SH2D4A: variants seen among roughly 807,000 people sequenced by gnomAD.
The protein encoded by SH2D4A is SH2 domain containing 4A, also known as SH2 domain-containing protein 4A.
SH2D4A carries 70 observed loss-of-function variants against 64.7 expected under a neutral mutation model. The observed-to-expected ratio is 1.08, with a 90% CI of 0.89 to 1.32. The LOEUF is 1.32. SH2D4A is among the 40% of genes most tolerant of loss of function. SH2D4A has a pLI of 0.00. For synonymous variants in SH2D4A, 268 were observed against 200.7 expected (o/e 1.34, Z -2.83); for missense variants, 706 against 540.1 (o/e 1.31, Z -3.04).
intron 8 of SH2D4A, among the ~76,000 whole-genome samples, chr8:19,383,055 C>T (rs995149122): frequency 6.6e-6 from 1 of 151,856 alleles, no homozygotes; most frequent in Non-Finnish European, 1.5e-5. Context: ...TCTTTAAGTT[C>T]ATCTCACTTG....
Position 19,315,119 on chromosome 8 carries a change from A to G in SH2D4A, c.-205+1296A>G, listed in dbSNP as rs762212231. 9.9e-5 allele frequency among the ~76,000 whole-genome samples: 15 copies of G among 152,084 alleles called. No individual in the cohort carries two copies. In the Middle Eastern group the frequency reaches 0.014, roughly 138 times the overall value. ...TTTTTTTTTGGCCATGTAAAACACA[A>G]TAACTTTTGCACCGACCTAATGTTT... is the stretch of plus-strand genomic sequence containing the variant. On this transcript the variant is annotated intron_variant, in intron 1 of 9. Coordinates refer to ENST00000265807, the MANE Select transcript of SH2D4A (RefSeq NM_022071.4).
chr8:19,316,220 C>G (rs577272922), intron 1 of SH2D4A, among the ~76,000 whole-genome samples: 2 of 152,300 alleles, frequency 1.3e-5, no homozygotes, highest in Non-Finnish European at 2.9e-5. Context: ...CCCAAGTATT[C>G]TTGGAGGCAC....
At chr8:19,365,617 G>C (rs2052980703) in intron 7 of SH2D4A, among the ~76,000 whole-genome samples, 2 of 152,186 alleles carry the variant, frequency 1.3e-5, no homozygotes, top group Non-Finnish European at 2.9e-5. Context: ...CAGTATATTT[G>C]ATTGACAGCA....
intron 2 of SH2D4A, among the ~76,000 whole-genome samples, chr8:19,321,140 C>A (rs2052183455): frequency 6.6e-6 from 1 of 152,108 alleles, no homozygotes; most frequent in Non-Finnish European, 1.5e-5. Context: ...CTAACCTTCA[C>A]AAAACTTCTG....
intron 7 of SH2D4A, among the ~76,000 whole-genome samples, chr8:19,372,612 C>T (rs1457355787): frequency 6.6e-6 from 1 of 152,142 alleles, no homozygotes; most frequent in Non-Finnish European, 1.5e-5. Context: ...AGTTCACTGA[C>T]TGCAGTGGTG....
chr8:19,383,682 G>A (rs572058695), intron 8 of SH2D4A, among the ~76,000 whole-genome samples: 2 of 152,128 alleles, frequency 1.3e-5, no homozygotes, highest in African/African-American at 2.4e-5. Flanking sequence ...TCAAGGATCA[G>A]CCTGAGGTAT....
chr8:19,329,724 T>G (rs1287172024), intron 2 of SH2D4A, among the ~76,000 whole-genome samples: 2 of 152,228 alleles, frequency 1.3e-5, no homozygotes, highest in South Asian at 2.1e-4. Flanking sequence ...TTCTGAGATC[T>G]GAAGGTTTTA....
chr8:19,373,387 A>G (rs1445265077), intron 7 of SH2D4A, 143 bp from the exon 8 acceptor site: 1 of 392,966 alleles, frequency 2.5e-6, no homozygotes, highest in East Asian at 3.9e-5. Context: ...TGTATAAAGC[A>G]CCTCTGGTGT....
At chr8:19,325,274 C>T (rs1169474898) in intron 2 of SH2D4A, among the ~76,000 whole-genome samples, 1 of 152,146 alleles carries the variant, frequency 6.6e-6, no homozygotes, top group Admixed American at 6.5e-5. Flanking sequence ...TACCAAGATA[C>T]TGTTCTGTTA....
chr8:19,324,457 C>T (rs140710096), intron 2 of SH2D4A, among the ~76,000 whole-genome samples: 1 of 152,272 alleles, frequency 6.6e-6, no homozygotes, highest in Non-Finnish European at 1.5e-5. Flanking sequence ...CAGTGTTTGC[C>T]TCCCTGTCTT....
intron 4 of SH2D4A, among the ~76,000 whole-genome samples, chr8:19,351,908 T>G (rs1342372681): frequency 6.6e-6 from 1 of 152,062 alleles, no homozygotes; most frequent in Non-Finnish European, 1.5e-5. Flanking sequence ...CTCAGCCTCC[T>G]GAGTAGCTGC....
At chr8:19,358,357 A>G (rs1422170295) in intron 5 of SH2D4A, among the ~76,000 whole-genome samples, 1 of 152,168 alleles carries the variant, frequency 6.6e-6, no homozygotes, top group Non-Finnish European at 1.5e-5. Flanking sequence ...AGAGATGATA[A>G]ACATATCTAT....
chr8:19,332,881 A>G, intron 2 of SH2D4A, 74 bp from the exon 3 acceptor site: 1 of 1,447,730 alleles, frequency 6.9e-7, no homozygotes, highest in Non-Finnish European at 9.4e-7. Context: ...AAAATACTTT[A>G]GTGATGGAAA....
At chr8:19,335,684 T>G (rs1278884001) in intron 4 of SH2D4A, among the ~76,000 whole-genome samples, 1 of 152,206 alleles carries the variant, frequency 6.6e-6, no homozygotes, top group Non-Finnish European at 1.5e-5. Context: ...GCCTTTTTGT[T>G]GCGGATTCTA....
chr8:19,323,986 C>G (rs369720635), intron 2 of SH2D4A, among the ~76,000 whole-genome samples: 1 of 152,206 alleles, frequency 6.6e-6, no homozygotes, highest in African/African-American at 2.4e-5. Context: ...AAAGCCAGCA[C>G]TGTAAACAAA....
chr8:19,364,624 G>A (rs2052958770), intron 7 of SH2D4A, among the ~76,000 whole-genome samples: 1 of 151,732 alleles, frequency 6.6e-6, no homozygotes, highest in Admixed American at 6.6e-5. Context: ...AGCCAGTGAG[G>A]GGAGAAGAGG....
intron 8 of SH2D4A, among the ~76,000 whole-genome samples, chr8:19,390,342 C>G (rs928873765): frequency 3.3e-5 from 5 of 152,296 alleles, no homozygotes; most frequent in African/African-American, 1.2e-4. Context: ...GATCGCACCA[C>G]TGCACTGCAG....
intron 4 of SH2D4A, among the ~76,000 whole-genome samples, chr8:19,354,636 A>T (rs2052760776): frequency 6.6e-6 from 1 of 152,252 alleles, no homozygotes; most frequent in African/African-American, 2.4e-5. Flanking sequence ...ATTTAAAGAA[A>T]GCAAGTAGTA....
chr8:19,377,323 A>C (rs1349352399), intron 8 of SH2D4A, among the ~76,000 whole-genome samples: 2 of 152,210 alleles, frequency 1.3e-5, no homozygotes, highest in African/African-American at 4.8e-5. Context: ...CGGAGCTGGC[A>C]GTCAGCCTAG....
Sources: gnomAD v4.1 joint callset for allele counts (sites outside exome capture counted in the v4.1 genomes callset) on GRCh38, gnomAD v4.1.1 for gene constraint, MANE v1.5 for transcripts, NCBI Gene and HGNC (gene_info 2026-07-23, HGNC 2026-07-21) for gene names.